The following ROBO2 variants were observed in gnomAD, a reference collection of about 807,000 sequenced individuals.
ROBO2 encodes roundabout guidance receptor 2, also known as roundabout homolog 2.
Under a neutral mutation model 160.8 loss-of-function variants are expected in ROBO2, and 53 were observed. The ratio of observed to expected loss-of-function variants is 0.33; its 90% CI spans 0.26 to 0.41. The LOEUF is 0.41. ROBO2 is among the 10% of genes least tolerant of loss of function. ROBO2 has a pLI of 1.00. For missense variants in ROBO2, 1,577 were observed against 1,722.4 expected, an observed-to-expected ratio of 0.92 and a Z score of 1.49; for synonymous variants, 664 against 611.7, an observed-to-expected ratio of 1.09 and a Z score of -1.26.
chr3:76,952,151 C>G (rs902319763), intron 2 of ROBO2, among the ~76,000 whole-genome samples: 14 of 152,188 alleles, frequency 9.2e-5, no homozygotes, highest in Non-Finnish European at 1.8e-4. Flanking sequence ...GGAAACACAG[C>G]CTGCGTTCTG....
intron 2 of ROBO2, among the ~76,000 whole-genome samples, chr3:76,202,966 G>A (rs1702608284): frequency 6.6e-6 from 1 of 151,698 alleles, no homozygotes. Flanking sequence ...GTAGCTGTGT[G>A]TAGTTCATGA....
intron 2 of ROBO2, among the ~76,000 whole-genome samples, chr3:77,324,890 A>G (rs1206920917): frequency 6.6e-6 from 1 of 152,166 alleles, no homozygotes; most frequent in Non-Finnish European, 1.5e-5. Context: ...CAGAAATAGA[A>G]AAACTCTAAC....
chr3:76,353,616 CTA>C (rs1333013179), intron 2 of ROBO2, among the ~76,000 whole-genome samples: 1 of 151,850 alleles, frequency 6.6e-6, no homozygotes. Context: ...ATGAAGAAGT[CTA>C]TACCTTCCTT....
At chr3:76,953,152 G>C (rs1427224230) in intron 2 of ROBO2, among the ~76,000 whole-genome samples, 1 of 152,188 alleles carries the variant, frequency 6.6e-6, no homozygotes, top group Non-Finnish European at 1.5e-5. Context: ...TTACTAGCTT[G>C]AGAAGGTTGA....
chr3:77,400,656 T>C (rs2075713055), intron 2 of ROBO2, among the ~76,000 whole-genome samples: 1 of 152,214 alleles, frequency 6.6e-6, no homozygotes, highest in Middle Eastern at 3.2e-3. Context: ...GTTTTTATGA[T>C]TGCCTTGTAA....
At chr3:77,420,986 G>T (rs923998275) in intron 2 of ROBO2, among the ~76,000 whole-genome samples, 2 of 152,068 alleles carry the variant, frequency 1.3e-5, no homozygotes, top group Non-Finnish European at 2.9e-5. Flanking sequence ...CCTTCTTCCA[G>T]CTCAGTCTCT....
intron 2 of ROBO2, among the ~76,000 whole-genome samples, chr3:77,345,900 T>C (rs562808177): frequency 6.6e-6 from 1 of 152,178 alleles, no homozygotes; most frequent in East Asian, 1.9e-4. Context: ...TGCCTGTTAA[T>C]GTAGGTTAAA....
intron 2 of ROBO2, among the ~76,000 whole-genome samples, chr3:76,030,860 G>A (rs900446755): frequency 2.0e-5 from 3 of 152,004 alleles, no homozygotes; most frequent in Non-Finnish European, 4.4e-5. Flanking sequence ...GCTCTTTTTT[G>A]GTTCCATATG....
At chr3:76,102,047 A>G (rs1207245098) in intron 2 of ROBO2, among the ~76,000 whole-genome samples, 1 of 134,768 alleles carries the variant, frequency 7.4e-6, no homozygotes, top group Non-Finnish European at 1.6e-5. Flanking sequence ...TCCTGTGTCC[A>G]TGTGTTCCCA....
chr3:76,450,304 T>G (rs910941634), intron 2 of ROBO2, among the ~76,000 whole-genome samples: 4 of 152,172 alleles, frequency 2.6e-5, no homozygotes, highest in African/African-American at 9.7e-5. Context: ...TTAAGATAAT[T>G]CTCACCTTTA....
At chr3:76,358,910 T>C (rs2075337713) in intron 2 of ROBO2, among the ~76,000 whole-genome samples, 1 of 147,380 alleles carries the variant, frequency 6.8e-6, no homozygotes, top group Admixed American at 6.8e-5. Context: ...CTCCTAATGC[T>C]ATCCCTCCCC....
chr3:76,352,176 T>A (rs1329929781), intron 2 of ROBO2, among the ~76,000 whole-genome samples: 1 of 151,958 alleles, frequency 6.6e-6, no homozygotes, highest in East Asian at 1.9e-4. Flanking sequence ...GAGGTAGTCT[T>A]ACAAATGTGT....
intron 2 of ROBO2, among the ~76,000 whole-genome samples, chr3:76,877,174 G>T (rs1020468598): frequency 2.0e-5 from 3 of 152,088 alleles, no homozygotes; most frequent in African/African-American, 7.2e-5. Context: ...GCTTCTAATA[G>T]CAGTAACACT....
At chr3:77,355,546 C>T (rs149684039) in intron 2 of ROBO2, among the ~76,000 whole-genome samples, 1 of 151,908 alleles carries the variant, frequency 6.6e-6, no homozygotes, top group African/African-American at 2.4e-5. Context: ...TGCTGAGATG[C>T]GGATTCAGGA....
chr3:77,180,416 C>CTCTCTCTCTCTCTATATATATATA lies in ROBO2; in HGVS notation c.388+82077_388+82078insCTCTCTCTCTCTATATATATATAT, dbSNP rs1433740534. Among the ~76,000 whole-genome samples, 658 of 90,472 alleles carry CTCTCTCTCTCTCTATATATATATA rather than the reference C, an allele frequency of 7.3e-3. 15 individuals are homozygous for CTCTCTCTCTCTCTATATATATATA. Among genetic ancestry groups the CTCTCTCTCTCTCTATATATATATA allele is most frequent in the Non-Finnish European group, 0.011 (502 of 43,708 alleles). The allele number at this position is 90,472 out of a possible 152,430, so 59.4% of individuals were successfully genotyped here. On this transcript the variant is annotated intron_variant, in intron 2 of 25. Coordinates refer to ENST00000461745, the Ensembl canonical transcript of ROBO2. ...TCTCTCTCTCTCTCTCTCTCTCTCT[C>CTCTCTCTCTCTCTATATATATATA]TATATATATATATATGTATTTTTTT...
chr3:77,138,879 A>G (rs1384643810), intron 2 of ROBO2, among the ~76,000 whole-genome samples: 1 of 152,120 alleles, frequency 6.6e-6, no homozygotes, highest in Non-Finnish European at 1.5e-5. Context: ...CCTCATGAAT[A>G]TGAGATTGGA....
chr3:76,180,454 C>T (rs35955225), intron 2 of ROBO2, among the ~76,000 whole-genome samples: 17,121 of 152,084 alleles, frequency 0.11, 1,214 homozygotes, highest in African/African-American at 0.2. Context: ...CAAATTTGTG[C>T]TTCCTGAATC....
intron 19 of ROBO2, among the ~76,000 whole-genome samples, chr3:77,601,926 T>G (rs935187584): frequency 6.6e-6 from 1 of 152,220 alleles, no homozygotes; most frequent in African/African-American, 2.4e-5. Context: ...TGAAAGCATT[T>G]TTCTGTAGTG....
At chr3:76,692,349 A>G (rs1412068031) in intron 2 of ROBO2, among the ~76,000 whole-genome samples, 1 of 152,166 alleles carries the variant, frequency 6.6e-6, no homozygotes, top group Admixed American at 6.6e-5. Flanking sequence ...CCTAAAACCC[A>G]AGTATGAAAC....
Sources: allele counts gnomAD v4.1 joint callset (sites outside exome capture counted in the v4.1 genomes callset), GRCh38; gene constraint gnomAD v4.1.1; transcripts MANE v1.5; gene names NCBI Gene and HGNC (gene_info 2026-07-23, HGNC 2026-07-21).